The following LPIN1 variants were observed in gnomAD, a reference collection of about 807,000 sequenced individuals.
The protein encoded by LPIN1 is lipin 1.
In LPIN1, 71 loss-of-function variants were observed where a neutral mutation model predicts 107.5. The ratio of observed to expected loss-of-function variants is 0.66; its 90% CI spans 0.55 to 0.80. The LOEUF (loss-of-function observed/expected upper bound fraction) is 0.80. Among genes scored for constraint, LPIN1 ranks in the 30% least tolerant of loss-of-function variants. The pLI is 0.00. For missense variants in LPIN1, 1,043 were observed against 1,160.6 expected, an observed-to-expected ratio of 0.90 and a Z score of 1.47; for synonymous variants, 445 against 452.6, an observed-to-expected ratio of 0.98 and a Z score of 0.21.
At chr2:11,693,998 C>T (rs1662446129) in intron 1 of LPIN1, among the ~76,000 whole-genome samples, 1 of 151,128 alleles carries the variant, frequency 6.6e-6, no homozygotes, top group Non-Finnish European at 1.5e-5. Context: ...CCACATCTGG[C>T]TAATTTTTGT....
chr2:11,818,841 C>T (rs1417045469), intron 18 of LPIN1: 1 of 151,900 alleles, frequency 6.6e-6, no homozygotes, highest in Admixed American at 6.6e-5. Flanking sequence ...ATCAAATCCT[C>T]TTTTTAAATT....
chr2:11,788,995 A>G (rs1313847021), intron 12 of LPIN1, among the ~76,000 whole-genome samples: 1 of 152,202 alleles, frequency 6.6e-6, no homozygotes, highest in East Asian at 1.9e-4. Flanking sequence ...GAGGGCAGCC[A>G]CGCCACCTGC....
intron 18 of LPIN1, chr2:11,816,385 C>T (rs1046937526): frequency 6.6e-6 from 1 of 152,234 alleles, no homozygotes; most frequent in African/African-American, 2.4e-5. Flanking sequence ...CAATTTGCAA[C>T]AAGCCATTCA....
At chr2:11,739,675 A>C (rs1167557137) in intron 1 of LPIN1, among the ~76,000 whole-genome samples, 3 of 152,224 alleles carry the variant, frequency 2.0e-5, no homozygotes, top group Non-Finnish European at 2.9e-5. Context: ...AATATAATAA[A>C]ATCTAGCCAC....
intron 13 of LPIN1, among the ~76,000 whole-genome samples, chr2:11,793,443 C>T (rs1676126816): frequency 6.6e-6 from 1 of 152,162 alleles, no homozygotes; most frequent in Admixed American, 6.5e-5. Flanking sequence ...ATTTTTGTTG[C>T]TCCTTAAAGC....
intron 14 of LPIN1, among the ~76,000 whole-genome samples, chr2:11,799,974 T>C (rs756355010): frequency 8.5e-5 from 13 of 152,208 alleles, no homozygotes; most frequent in Non-Finnish European, 1.8e-4. Flanking sequence ...GTAGCTTAGC[T>C]CTGCCACAGA....
chr2:11,775,880 C>T (rs1572745210), intron 5 of LPIN1, among the ~76,000 whole-genome samples: 1 of 146,290 alleles, frequency 6.8e-6, no homozygotes, highest in East Asian at 1.9e-4. Context: ...TATATATAAT[C>T]TTATATATAA....
intron 11 of LPIN1, among the ~76,000 whole-genome samples, chr2:11,787,737 C>A (rs985536893): frequency 6.6e-6 from 1 of 151,730 alleles, no homozygotes; most frequent in East Asian, 1.9e-4. Flanking sequence ...GTCAGGAGAT[C>A]GAGACCATCC....
At position 11,824,717 on chromosome 2, in the gene LPIN1, T is replaced by A. The variant is rs200755137; in HGVS notation, c.2707T>A (p.Phe903Ile). ...HSSDFPCSDTFSNFTFWREPL... is the reference protein window; with the variant it reads ...HSSDFPCSDTISNFTFWREPL... ...TTCAGACTTTCCCTGTTCGGATACC[T>A]TCAGTAACTTCACCTTTTGGAGAGA... The change falls in exon 21 of 21, where the codon TTC becomes ATC. Residue 903 changes from phenylalanine (F) to isoleucine (I), a missense_variant. Physicochemically the swap from Phe to Ile is conservative, Grantham distance 21. Transcript: ENST00000674199. 1 of 1,614,192 alleles carries A rather than the reference T, an allele frequency of 6.2e-7. No individual in the cohort carries two copies. The highest frequency in any genetic ancestry group is 2.2e-5 in the East Asian group (1 of 44,876).
At chr2:11,695,200 G>A (rs575641030) in intron 1 of LPIN1, among the ~76,000 whole-genome samples, 1 of 152,322 alleles carries the variant, frequency 6.6e-6, no homozygotes, top group Non-Finnish European at 1.5e-5. Flanking sequence ...CCTTCATGGA[G>A]TTCACATGGT....
At chr2:11,747,863 C>T (rs182854252) in intron 1 of LPIN1, among the ~76,000 whole-genome samples, 24 of 152,270 alleles carry the variant, frequency 1.6e-4, no homozygotes, top group African/African-American at 4.3e-4. Context: ...TGTGTTTTGG[C>T]GCTTATTATT....
chr2:11,765,382 A>C lies in LPIN1; in HGVS notation c.-9-151A>C. 2 of 697,996 alleles carry C rather than the reference A, an allele frequency of 2.9e-6. No individual in the cohort carries two copies. The highest frequency in any genetic ancestry group is 1.9e-5 in the South Asian group (1 of 52,940). 43.2% of individuals were successfully genotyped at this position (697,996 alleles called of 1,614,324 possible). A position where few individuals can be genotyped will look rare whatever the true frequency, so the allele number is the denominator to read the frequency against. On this transcript the variant is annotated intron_variant, in intron 1 of 20. Coordinates refer to ENST00000674199, the MANE Select transcript of LPIN1 (RefSeq NM_001349206.2). This position sits in a 1 kb window ranked among gnomAD's most constrained non-coding sequence, Gnocchi z 4.4. ...GGGCCCTGATGGACCCTGATGGGCT[A>C]TGGGGGTGGATAGAACACATTCCGG...
chr2:11,808,840 C>T (rs138375351), intron 17 of LPIN1, among the ~76,000 whole-genome samples: 227 of 148,376 alleles, frequency 1.5e-3, no homozygotes, highest in African/African-American at 5.5e-3. Flanking sequence ...CATTGCACTC[C>T]AGCCTGGGTG....
At chr2:11,713,664 T>C in intron 1 of LPIN1, 1 of 721,014 alleles carries the variant, frequency 1.4e-6, no homozygotes, top group Non-Finnish European at 2.3e-6. Flanking sequence ...GTTCAGTGAG[T>C]TTTTAGTATA....
In LPIN1 at chr2:11,697,612, T is replaced by G. The variant is rs1662655132; in HGVS notation, c.82-16144T>G. 6.6e-6 allele frequency among the ~76,000 whole-genome samples: 1 copy of G among 152,216 alleles called. No individual in the cohort carries two copies. Among genetic ancestry groups the G allele is most frequent in the African/African-American group, 2.4e-5 (1 of 41,458 alleles). ...CCCTTGCCTGCCACTGGTAGTGACCTGGCCTGGGGACAGGGAAAGGACGCC... is the reference window on the plus strand; with the variant it reads ...CCCTTGCCTGCCACTGGTAGTGACCGGGCCTGGGGACAGGGAAAGGACGCC... On this transcript the variant is annotated intron_variant, in intron 1 of 21. Coordinates refer to the LPIN1 transcript ENST00000449576. The surrounding 1 kb of genome is among the most constrained non-coding windows in gnomAD (Gnocchi z 4.6).
chr2:11,725,811 C>T (rs1387934343), intron 1 of LPIN1, among the ~76,000 whole-genome samples: 1 of 152,194 alleles, frequency 6.6e-6, no homozygotes, highest in Non-Finnish European at 1.5e-5. Flanking sequence ...ATCCCGGAAT[C>T]ACTTTTTTCT....
chr2:11,810,628 T>C (rs1679485419), intron 17 of LPIN1, among the ~76,000 whole-genome samples: 1 of 152,192 alleles, frequency 6.6e-6, no homozygotes, highest in African/African-American at 2.4e-5. Flanking sequence ...TCTACAGCAG[T>C]GGCTCTCAAC....
rs1672642876 is a variant in LPIN1, at chr2:11,776,103, A to G, written c.740A>G (p.Lys247Arg). ...GTATCCAGTAGCCTGGTAGATTGCA[A>G]AAGGACTGCCCCTCATCTTGCAGTT... Reference protein sequence around the residue: ...SPTPSSLVDCKRTAPHLAVAA... With the variant: ...SPTPSSLVDCRRTAPHLAVAA... Residue 247 changes from lysine to arginine, a missense_variant, in exon 6 of 21, where the codon AAA becomes AGA. Lys to Arg is a conservative substitution (Grantham distance 26). Coordinates refer to ENST00000674199, the MANE Select transcript of LPIN1 (RefSeq NM_001349206.2). 6.5e-7 allele frequency: 1 copy of G among 1,547,024 alleles called. No homozygotes were observed. The highest frequency in any genetic ancestry group is 2.0e-5 in the Admixed American group (1 of 50,914).
intron 6 of LPIN1, among the ~76,000 whole-genome samples, chr2:11,777,677 C>T (rs1171821117): frequency 1.3e-5 from 2 of 152,172 alleles, no homozygotes; most frequent in Non-Finnish European, 2.9e-5. Flanking sequence ...ACCCGTAAAG[C>T]CCGAGATATC....
Sources: allele counts gnomAD v4.1 joint callset (sites outside exome capture counted in the v4.1 genomes callset), GRCh38; gene constraint gnomAD v4.1.1; non-coding constraint Gnocchi (gnomAD v3.1); transcripts MANE v1.5; gene names NCBI Gene and HGNC (gene_info 2026-07-23, HGNC 2026-07-21).